OXCT1: variants seen among roughly 807,000 people sequenced by gnomAD.
OXCT1 encodes the protein succinyl-CoA:3-ketoacid coenzyme A transferase 1, mitochondrial.
OXCT1 carries 27 observed loss-of-function variants against 69.6 expected under a neutral mutation model. The observed-to-expected ratio is 0.39, with a 90% confidence interval of 0.29 to 0.54. OXCT1 has a LOEUF of 0.54. OXCT1 is among the 20% of genes least tolerant of loss of function. OXCT1 has a pLI of 0.72. For missense variants in OXCT1, 437 were observed against 650.2 expected (o/e 0.67, Z 3.57); for synonymous variants, 202 against 217.8 (o/e 0.93, Z 0.64).
intron 5 of OXCT1, among the ~76,000 whole-genome samples, chr5:41,849,440 T>C (rs1352062230): frequency 6.6e-6 from 1 of 152,240 alleles, no homozygotes; most frequent in African/African-American, 2.4e-5. Flanking sequence ...TACCTTTATC[T>C]GAAATTCTAC....
At position 41,834,404 on chromosome 5, in the gene OXCT1, A is replaced by G. The variant is rs60270388; in HGVS notation, c.732+6047T>C. Among the ~76,000 whole-genome samples, 1,282 of 151,906 alleles carry G rather than the reference A, an allele frequency of 8.4e-3. 20 individuals are homozygous for G. The highest frequency in any genetic ancestry group is 0.03 in the African/African-American group (1,230 of 41,408). On this transcript the variant is annotated intron_variant, in intron 7 of 16. Transcript: ENST00000196371. Reference sequence around the variant, plus strand: ...TAAGACCCAGTGGTCTGTTGTCTACAAGAGACATGGTTCACCTATAAAGCT... The same window carrying G: ...TAAGACCCAGTGGTCTGTTGTCTACGAGAGACATGGTTCACCTATAAAGCT...
chr5:41,802,955 A>G, intron 10 of OXCT1, 114 bp downstream of exon 10: 5 of 760,736 alleles, frequency 6.6e-6, no homozygotes, highest in Non-Finnish European at 9.2e-6. Context: ...GTAACCAAAA[A>G]TCACTTGCAC....
At chr5:41,735,081 C>A (rs1015565397) in intron 16 of OXCT1, among the ~76,000 whole-genome samples, 6 of 152,100 alleles carry the variant, frequency 3.9e-5, no homozygotes, top group African/African-American at 1.4e-4. Context: ...ATCCAGCAAT[C>A]CAAATTCTGA....
At chr5:41,777,510 C>A (rs570580073) in intron 13 of OXCT1, among the ~76,000 whole-genome samples, 1 of 152,276 alleles carries the variant, frequency 6.6e-6, no homozygotes, top group East Asian at 1.9e-4. Context: ...TCCCCAGCCT[C>A]CAGAAAGAGG....
chr5:41,756,631 A>G (rs1409677096), intron 14 of OXCT1, among the ~76,000 whole-genome samples: 1 of 152,112 alleles, frequency 6.6e-6, no homozygotes. Context: ...TTGAGCCATG[A>G]TGTACATAAG....
chr5:41,795,354 G>A (rs1344368364), intron 11 of OXCT1, among the ~76,000 whole-genome samples: 3 of 151,976 alleles, frequency 2.0e-5, no homozygotes, highest in African/African-American at 7.3e-5. Flanking sequence ...AGGGACCCCT[G>A]TTCTACAGGA....
At chr5:41,794,617 A>T in intron 12 of OXCT1, 60 bp downstream of exon 12, 1 of 1,469,936 alleles carries the variant, frequency 6.8e-7, no homozygotes, top group Non-Finnish European at 9.5e-7. Context: ...TAACACACTC[A>T]GACGATGACT....
chr5:41,801,067 G>C lies in OXCT1; in HGVS notation c.1054C>G (p.Pro352Ala). 6.2e-7 allele frequency: 1 copy of C among 1,608,940 alleles called. No individual in the cohort carries two copies. The change falls in exon 11 of 17, where the codon CCA becomes GCA. Residue 352 changes from proline (P) to alanine (A), a missense_variant. Physicochemically the swap from Pro to Ala is conservative, Grantham distance 27 (BLOSUM62 -1). This residue lies in a region of OXCT1 where 252 missense variants were observed against 397.4 expected (regional missense o/e 0.63). Coordinates refer to ENST00000196371, the MANE Select transcript of OXCT1 (RefSeq NM_000436.4). Reference protein sequence around the residue: ...QSENGVLGLGPYPRQHEADAD... With the variant: ...QSENGVLGLGAYPRQHEADAD... ...TCAGCTTCATGTTGTCGTGGATATGGACCCTGTCAAATACAACATACATTC... is the reference window on the plus strand; with the variant it reads ...TCAGCTTCATGTTGTCGTGGATATGCACCCTGTCAAATACAACATACATTC...
intron 5 of OXCT1, among the ~76,000 whole-genome samples, chr5:41,846,120 G>T (rs940192675): frequency 6.6e-5 from 10 of 151,522 alleles, no homozygotes; most frequent in Middle Eastern, 3.2e-3. Flanking sequence ...ATGTATGTAT[G>T]TATGTATTTA....
In OXCT1 at chr5:41,773,946, T is replaced by C. The variant is rs576595505; in HGVS notation, c.1249-11746A>G. Among the ~76,000 whole-genome samples, 19 of 152,306 alleles carry C rather than the reference T, an allele frequency of 1.2e-4. No individual in the cohort carries two copies. In the South Asian group the frequency reaches 2.7e-3, roughly 22 times the overall value. On this transcript the variant is annotated intron_variant, in intron 13 of 16. Transcript: ENST00000196371. ...TTATAGGGACCTAAGTTAAGGTACA[T>C]GTTAAAGCTAGTACATTCTCAGATG...
chr5:41,777,671 T>G (rs931767405), intron 13 of OXCT1, among the ~76,000 whole-genome samples: 68 of 152,366 alleles, frequency 4.5e-4, no homozygotes, highest in East Asian at 1.9e-4. Context: ...AGATGTCCTA[T>G]GTACAATTTC....
rs544286554 is a variant in OXCT1, at chr5:41,794,647, T to G, written c.1172+30A>C. ...ATGACTCAGCTCATTCCATACTGTC[T>G]GAAACATGAGGGGCTCTGTTATTAC... On this transcript the variant is annotated intron_variant, in intron 12 of 16. Transcript: ENST00000196371. 1.2e-5 allele frequency: 19 copies of G among 1,598,290 alleles called. No individual in the cohort carries two copies. In the South Asian group the frequency reaches 2.0e-4, roughly 17 times the overall value.
chr5:41,867,209 T>C (rs1235013834), intron 1 of OXCT1, among the ~76,000 whole-genome samples: 1 of 152,226 alleles, frequency 6.6e-6, no homozygotes, highest in Non-Finnish European at 1.5e-5. Flanking sequence ...TTGAAACAGA[T>C]GTCACAACTC....
At chr5:41,733,626 A>T (rs1228804547) in intron 16 of OXCT1, among the ~76,000 whole-genome samples, 2 of 152,222 alleles carry the variant, frequency 1.3e-5, no homozygotes, top group Non-Finnish European at 2.9e-5. Flanking sequence ...AACTGGACAC[A>T]TTAATTTTTT....
Position 41,731,309 on chromosome 5 carries a change from A to G in OXCT1, c.*420T>C. 1 of 945,688 alleles carries G rather than the reference A, an allele frequency of 1.1e-6. No individual in the cohort carries two copies. The highest frequency in any genetic ancestry group is 1.3e-6 in the Non-Finnish European group (1 of 787,512). The allele number at this position is 945,688 out of a possible 1,614,324, so 58.6% of individuals were successfully genotyped here. ...AAAGTCAGAGGAGGCTGAAGAAAAA[A>G]CAATCATGACAGCAACTCTCCTAAC... On this transcript the variant is annotated 3_prime_UTR_variant, in exon 17 of 17. Transcript: ENST00000196371.
At chr5:41,812,711 AT>A (rs886742394) in intron 7 of OXCT1, among the ~76,000 whole-genome samples, 2 of 151,730 alleles carry the variant, frequency 1.3e-5, no homozygotes, top group African/African-American at 4.8e-5. Flanking sequence ...GTTCAATTTT[AT>A]TTTTTTTCCT....
intron 15 of OXCT1, among the ~76,000 whole-genome samples, chr5:41,745,740 T>A (rs1477978427): frequency 2.6e-5 from 4 of 152,022 alleles, no homozygotes; most frequent in Non-Finnish European, 5.9e-5. Context: ...CCCACAGAAA[T>A]ACAAACTACC....
intron 11 of OXCT1, among the ~76,000 whole-genome samples, chr5:41,800,392 T>C (rs1005675030): frequency 3.3e-5 from 5 of 151,886 alleles, no homozygotes; most frequent in Non-Finnish European, 7.4e-5. Flanking sequence ...TTCTTTTTGC[T>C]GCTATGGATT....
chr5:41,733,350 G>T (rs1207052522), intron 16 of OXCT1, among the ~76,000 whole-genome samples: 2 of 151,222 alleles, frequency 1.3e-5, no homozygotes, highest in Non-Finnish European at 2.9e-5. Flanking sequence ...GGGTTCAAGC[G>T]ATTCTCCTGC....
Sources: gnomAD v4.1 joint callset for allele counts (sites outside exome capture counted in the v4.1 genomes callset) on GRCh38, gnomAD v4.1.1 for gene constraint, gnomAD v4.1.1 regional missense constraint, MANE v1.5 for transcripts, NCBI Gene and HGNC (gene_info 2026-07-23, HGNC 2026-07-21) for gene names.